Variants in CTNNA2 observed in about 807,000 individuals in gnomAD.
CTNNA2 encodes the protein catenin alpha-2.
CTNNA2 carries 42 observed loss-of-function variants against 101.0 expected under a neutral mutation model. That is an observed-to-expected ratio of 0.42 (90% CI 0.32 to 0.54). The LOEUF is 0.54. Ranked by LOEUF, CTNNA2 falls within the 20% of genes least tolerant of loss-of-function variation. The pLI is 0.14. For missense variants in CTNNA2, 871 were observed against 1,223.1 expected, an observed-to-expected ratio of 0.71 and a Z score of 4.29; for synonymous variants, 450 against 456.4, an observed-to-expected ratio of 0.99 and a Z score of 0.18.
intron 2 of CTNNA2, among the ~76,000 whole-genome samples, chr2:79,312,011 C>T (rs1676386027): frequency 6.6e-6 from 1 of 151,990 alleles, no homozygotes; most frequent in East Asian, 1.9e-4. Flanking sequence ...ACAGATCCTT[C>T]TGCTTTTCAG....
intron 7 of CTNNA2, among the ~76,000 whole-genome samples, chr2:79,962,037 C>G (rs1445001687): frequency 1.3e-5 from 2 of 152,218 alleles, no homozygotes; most frequent in Non-Finnish European, 2.9e-5. Context: ...CAATAACTAG[C>G]TCTTCGTCTG....
chr2:79,380,080 C>T (rs1678022193), intron 4 of CTNNA2, among the ~76,000 whole-genome samples: 1 of 152,108 alleles, frequency 6.6e-6, no homozygotes, highest in South Asian at 2.1e-4. Flanking sequence ...TCCAGAGGGA[C>T]ATTACAAAAC....
chr2:79,815,240 C>A (rs1262585351), intron 3 of CTNNA2, among the ~76,000 whole-genome samples: 1 of 152,134 alleles, frequency 6.6e-6, no homozygotes, highest in Non-Finnish European at 1.5e-5. Flanking sequence ...ACTCTGCTGA[C>A]TGTTCTTTTG....
At chr2:79,315,745 C>T (rs966760113) in intron 3 of CTNNA2, among the ~76,000 whole-genome samples, 8 of 152,058 alleles carry the variant, frequency 5.3e-5, no homozygotes, top group Non-Finnish European at 1.0e-4. Flanking sequence ...TATGGACCTA[C>T]GTTTTCATTT....
chr2:80,506,641 TC>T (rs1688301461), intron 9 of CTNNA2, among the ~76,000 whole-genome samples: 1 of 152,130 alleles, frequency 6.6e-6, no homozygotes, highest in East Asian at 1.9e-4. Context: ...TTAGAGTCTA[TC>T]TTAAATGCTG....
intron 3 of CTNNA2, among the ~76,000 whole-genome samples, chr2:79,364,598 C>T (rs1677703472): frequency 6.6e-6 from 1 of 152,122 alleles, no homozygotes; most frequent in African/African-American, 2.4e-5. Flanking sequence ...ATCTTTTGTA[C>T]AGAAGCTGGA....
rs1685642877 is a variant in CTNNA2, at chr2:79,909,479, TCTC to T, written c.853-109_853-107del. 4 of 752,146 alleles carry T rather than the reference TCTC, an allele frequency of 5.3e-6. 1 individual carries two copies. The South Asian group carries it at 8.8e-5, about 17-fold the overall frequency. 46.6% of individuals were successfully genotyped at this position (752,146 alleles called of 1,614,324 possible). A position where few individuals can be genotyped will look rare whatever the true frequency, so the allele number is the denominator to read the frequency against. Reference sequence around the variant, plus strand: ...AACTTTAGAATTTGAGTAACCAGTTTCTCCTCCTTGGGGACTCCTGTTCTTGCC... The same window carrying T: ...AACTTTAGAATTTGAGTAACCAGTTTCTCCTTGGGGACTCCTGTTCTTGCC... On this transcript the variant is annotated intron_variant, in intron 6 of 18. Transcript: ENST00000402739.
In CTNNA2 at chr2:79,579,865, C is replaced by T. The variant is rs112987712; in HGVS notation, c.-6+66658C>T. Among the ~76,000 whole-genome samples the T allele has an allele frequency of 4.6e-3, 705 of 152,200 alleles. 4 individuals are homozygous for T. The highest frequency in any genetic ancestry group is 0.016 in the African/African-American group (672 of 41,550). ...CTGACCTCAGGGGATCCACCTGCCTCGGCCTTCCAAAGTGCCGGGATTACA... is the reference window on the plus strand; with the variant it reads ...CTGACCTCAGGGGATCCACCTGCCTTGGCCTTCCAAAGTGCCGGGATTACA... On this transcript the variant is annotated intron_variant, in intron 1 of 18. Transcript: ENST00000402739.
At chr2:79,262,975 T>C (rs959439327) in intron 2 of CTNNA2, among the ~76,000 whole-genome samples, 2 of 152,186 alleles carry the variant, frequency 1.3e-5, no homozygotes, top group African/African-American at 4.8e-5. Flanking sequence ...GGTAACATAG[T>C]GAAAGGCTAT....
chr2:80,121,804 T>G (rs113097087), intron 7 of CTNNA2, among the ~76,000 whole-genome samples: 2,803 of 152,188 alleles, frequency 0.018, 69 homozygotes, highest in African/African-American at 0.06. Flanking sequence ...TTACTGAATA[T>G]CCATTATATG....
At chr2:80,513,905 A>G (rs922732103) in intron 9 of CTNNA2, among the ~76,000 whole-genome samples, 16 of 152,180 alleles carry the variant, frequency 1.1e-4, no homozygotes, top group African/African-American at 3.9e-4. Flanking sequence ...CTTCTTCAGT[A>G]TCTATAATTT....
At chr2:79,404,891 T>C (rs1051939177) in intron 4 of CTNNA2, among the ~76,000 whole-genome samples, 2 of 152,124 alleles carry the variant, frequency 1.3e-5, no homozygotes, top group Non-Finnish European at 2.9e-5. Flanking sequence ...AACTTGATTA[T>C]ATTTCTTTCC....
At chr2:79,444,579 C>T (rs1487736651) in intron 4 of CTNNA2, among the ~76,000 whole-genome samples, 3 of 152,070 alleles carry the variant, frequency 2.0e-5, no homozygotes, top group Non-Finnish European at 4.4e-5. Context: ...CTTTCCTTCC[C>T]TGCCTCTCCA....
intron 4 of CTNNA2, among the ~76,000 whole-genome samples, chr2:79,458,452 TTGTC>T (rs1033805064): frequency 1.3e-5 from 2 of 152,094 alleles, no homozygotes; most frequent in Non-Finnish European, 2.9e-5. Context: ...CAGATAGTGG[TTGTC>T]TGTGTGCATT....
intron 2 of CTNNA2, among the ~76,000 whole-genome samples, chr2:79,231,899 G>A (rs544980741): frequency 5.8e-4 from 88 of 152,180 alleles, no homozygotes; most frequent in Non-Finnish European, 1.1e-3. Flanking sequence ...GCTTTCTATA[G>A]CTGATCTTGT....
At chr2:80,398,340 A>C (rs761122597) in intron 8 of CTNNA2, among the ~76,000 whole-genome samples, 18 of 152,224 alleles carry the variant, frequency 1.2e-4, no homozygotes, top group Non-Finnish European at 1.8e-4. Flanking sequence ...ATATGAGGCT[A>C]TCTACATGGC....
At chr2:80,042,018 G>C (rs970350796) in intron 7 of CTNNA2, among the ~76,000 whole-genome samples, 1 of 152,224 alleles carries the variant, frequency 6.6e-6, no homozygotes, top group Non-Finnish European at 1.5e-5. Context: ...AGGCTGGAGT[G>C]AAATGGCATG....
At chr2:79,637,370 G>A (rs1459061282) in intron 1 of CTNNA2, among the ~76,000 whole-genome samples, 1 of 152,124 alleles carries the variant, frequency 6.6e-6, no homozygotes, top group Non-Finnish European at 1.5e-5. Context: ...CTTCTAATAA[G>A]GCAATTGGGA....
intron 2 of CTNNA2, among the ~76,000 whole-genome samples, chr2:79,732,150 G>A (rs1359858949): frequency 2.6e-5 from 4 of 151,950 alleles, no homozygotes; most frequent in African/African-American, 9.7e-5. Context: ...CAGTAGTTGG[G>A]TTTTTACCAT....
Sources: allele counts gnomAD v4.1 joint callset (sites outside exome capture counted in the v4.1 genomes callset), GRCh38; gene constraint gnomAD v4.1.1; transcripts MANE v1.5; gene names NCBI Gene and HGNC (gene_info 2026-07-23, HGNC 2026-07-21).